SPATS2: variants seen among roughly 807,000 people sequenced by gnomAD.
SPATS2 encodes spermatogenesis associated serine rich 2.
SPATS2 carries 38 observed loss-of-function variants against 63.7 expected under a neutral mutation model. That is an observed-to-expected ratio of 0.60 (90% CI 0.46 to 0.78). SPATS2 has a LOEUF of 0.78. Among genes scored for constraint, SPATS2 ranks in the 30% least tolerant of loss-of-function variants. SPATS2 has a pLI of 0.00. For synonymous variants in SPATS2, 207 were observed against 232.9 expected (o/e 0.89, Z 1.01); for missense variants, 588 against 666.2 (o/e 0.88, Z 1.29).
At chr12:49,462,411 C>T (rs57841760) in intron 3 of SPATS2, 53,493 of 702,244 alleles carry the variant, frequency 0.076, 2,413 homozygotes, top group African/African-American at 0.12. Context: ...CTGTGACCCC[C>T]GAAGCTCCAG....
At chr12:49,390,112 ACTT>A (rs1414535924) in intron 2 of SPATS2, 37 of 1,505,448 alleles carry the variant, frequency 2.5e-5, no homozygotes, top group Non-Finnish European at 3.3e-5. Context: ...GTCGGAAAGT[ACTT>A]CTTTGTCAGC....
At chr12:49,397,420 C>T (rs182693059) in intron 2 of SPATS2, among the ~76,000 whole-genome samples, 37 of 152,218 alleles carry the variant, frequency 2.4e-4, no homozygotes, top group Non-Finnish European at 4.0e-4. Context: ...TGTATTTGAG[C>T]GGTTTCCTCC....
intron 9 of SPATS2, among the ~76,000 whole-genome samples, chr12:49,509,818 A>AC (rs1280945386): frequency 2.0e-5 from 3 of 151,730 alleles, no homozygotes; most frequent in African/African-American, 7.3e-5. Context: ...CTCAAAAAAA[A>AC]AAAAAAAAGG....
chr12:49,449,010 A>G (rs1452934390), intron 2 of SPATS2, among the ~76,000 whole-genome samples: 6 of 152,228 alleles, frequency 3.9e-5, no homozygotes, highest in Non-Finnish European at 7.3e-5. Context: ...ACATAAATCA[A>G]TGGACATGCT....
At chr12:49,452,439 C>T (rs1320147224) in intron 2 of SPATS2, among the ~76,000 whole-genome samples, 1 of 152,186 alleles carries the variant, frequency 6.6e-6, no homozygotes, top group Non-Finnish European at 1.5e-5. Flanking sequence ...GCCACCACAC[C>T]TGGCCGATTT....
At chr12:49,399,447 C>T (rs1260357116) in intron 2 of SPATS2, among the ~76,000 whole-genome samples, 3 of 152,134 alleles carry the variant, frequency 2.0e-5, no homozygotes, top group Admixed American at 6.6e-5. Flanking sequence ...TTAGGGGCCA[C>T]GCATAAAGCT....
At chr12:49,425,558 G>A (rs1285832554) in intron 2 of SPATS2, among the ~76,000 whole-genome samples, 4 of 151,940 alleles carry the variant, frequency 2.6e-5, no homozygotes, top group Non-Finnish European at 5.9e-5. Context: ...GGGATCAAGC[G>A]ATCCATCTAC....
chr12:49,497,592 C>T lies in SPATS2; in HGVS notation c.703+583C>T, dbSNP rs1184409647. ...TGTATTTTTAGTAGAGATGGGGTTTCGCCGTGTTAGCCAGGATGGTCTCGA... is the reference window on the plus strand; with the variant it reads ...TGTATTTTTAGTAGAGATGGGGTTTTGCCGTGTTAGCCAGGATGGTCTCGA... On this transcript the variant is annotated intron_variant, in intron 8 of 13. Transcript: ENST00000552918. Among the ~76,000 whole-genome samples, 6 of 151,986 alleles carry T rather than the reference C, an allele frequency of 3.9e-5. No homozygotes were observed. The East Asian group carries it at 5.8e-4, about 15-fold the overall frequency.
intron 11 of SPATS2, among the ~76,000 whole-genome samples, chr12:49,519,560 C>A (rs1270811289): frequency 6.6e-6 from 1 of 151,120 alleles, no homozygotes; most frequent in African/African-American, 2.4e-5. Flanking sequence ...GCCCCACCCG[C>A]CCCACCCTCC....
chr12:49,445,071 C>T (rs1034160564), intron 2 of SPATS2, among the ~76,000 whole-genome samples: 13 of 152,160 alleles, frequency 8.5e-5, no homozygotes, highest in Non-Finnish European at 1.5e-5. Flanking sequence ...TTCTTCCTTT[C>T]CAATTGTGAT....
intron 1 of SPATS2, among the ~76,000 whole-genome samples, chr12:49,368,622 T>C (rs974750187): frequency 1.3e-5 from 2 of 152,236 alleles, no homozygotes; most frequent in African/African-American, 4.8e-5. Context: ...TTAAATTATT[T>C]CTTGATGTTA....
At chr12:49,496,691 A>G (rs916790586) in intron 7 of SPATS2, 142 bp from the exon 8 acceptor site, 19 of 812,924 alleles carry the variant, frequency 2.3e-5, no homozygotes, top group African/African-American at 1.6e-4. Context: ...TCTTTGTTCT[A>G]TTGTTTCAGT....
Position 49,525,962 on chromosome 12 carries a change from CGAG to C in SPATS2, c.1351_1353del (p.Gly451del), listed in dbSNP as rs750234341. On this transcript the variant is annotated inframe_deletion, in exon 14 of 14. Transcript: ENST00000552918. ...TCTTTAGGTATTGCCAGGGAACAGACGAGGAGGACAGGGCTATAGGCCACAAGG... is the reference window on the plus strand; with the variant it reads ...TCTTTAGGTATTGCCAGGGAACAGACGAGGACAGGGCTATAGGCCACAAGG... The C allele has an allele frequency of 5.0e-6, 8 of 1,613,852 alleles. No individual in the cohort carries two copies. Among genetic ancestry groups the C allele is most frequent in the Admixed American group, 1.7e-5 (1 of 59,996 alleles).
At chr12:49,449,127 A>G (rs973520375) in intron 2 of SPATS2, among the ~76,000 whole-genome samples, 1 of 152,178 alleles carries the variant, frequency 6.6e-6, no homozygotes, top group African/African-American at 2.4e-5. Flanking sequence ...GTCCTTGAGG[A>G]TGTTCTGGCT....
At chr12:49,404,728 ACAGAGT>A (rs1383157257) in intron 2 of SPATS2, among the ~76,000 whole-genome samples, 1 of 152,084 alleles carries the variant, frequency 6.6e-6, no homozygotes, top group Admixed American at 6.6e-5. Flanking sequence ...GGAACAGAGA[ACAGAGT>A]CATCTGTTCT....
chr12:49,490,825 C>A, intron 6 of SPATS2, 94 bp downstream of exon 6: 3 of 1,168,224 alleles, frequency 2.6e-6, no homozygotes, highest in Non-Finnish European at 3.7e-6. Context: ...GGTTCACATA[C>A]ATATCTTCTG....
chr12:49,389,034 C>A (rs1280232274), intron 2 of SPATS2, among the ~76,000 whole-genome samples: 1 of 151,886 alleles, frequency 6.6e-6, no homozygotes, highest in African/African-American at 2.4e-5. Context: ...GTCCTTTTTT[C>A]TTCTGATTTT....
chr12:49,458,433 A>G (rs1210987135), intron 2 of SPATS2, among the ~76,000 whole-genome samples: 5 of 152,034 alleles, frequency 3.3e-5, no homozygotes, highest in Admixed American at 2.6e-4. Context: ...GCGCCATTGC[A>G]CTCCAGTCTA....
At chr12:49,422,802 C>T (rs940881975) in intron 2 of SPATS2, among the ~76,000 whole-genome samples, 2 of 151,966 alleles carry the variant, frequency 1.3e-5, no homozygotes, top group Non-Finnish European at 2.9e-5. Flanking sequence ...TTCCCAGCTA[C>T]TCAGGAGGCT....
Sources: gnomAD v4.1 joint callset for allele counts (sites outside exome capture counted in the v4.1 genomes callset) on GRCh38, gnomAD v4.1.1 for gene constraint, MANE v1.5 for transcripts, NCBI Gene and HGNC (gene_info 2026-07-23, HGNC 2026-07-21) for gene names.